CTRB2: variants seen among roughly 807,000 people sequenced by gnomAD.
CTRB2 encodes the protein chymotrypsin B2.
Under a neutral mutation model 19.3 loss-of-function variants are expected in CTRB2, and 9 were observed. That is an observed-to-expected ratio of 0.47 (90% CI 0.28 to 0.81). CTRB2 has a LOEUF of 0.81. Among genes scored for constraint, CTRB2 ranks in the 40% least tolerant of loss-of-function variants. The pLI is 0.11. For synonymous variants in CTRB2, 98 were observed against 117.3 expected, an observed-to-expected ratio of 0.84 and a Z score of 1.06; for missense variants, 210 against 269.7, an observed-to-expected ratio of 0.78 and a Z score of 1.55.
chr16:75,206,523 C>G (rs1597117519), intron 1 of CTRB2: 1 of 429,512 alleles, frequency 2.3e-6, no homozygotes, highest in Non-Finnish European at 4.2e-6. Context: ...CTGGCTCCCT[C>G]CCTGCCCAGC....
chr16:75,204,494 C>T (rs918340557), intron 6 of CTRB2, among the ~76,000 whole-genome samples, 172 bp from the exon 7 acceptor site: 4 of 152,150 alleles, frequency 2.6e-5, no homozygotes, highest in Admixed American at 2.0e-4. Flanking sequence ...CTGCCATGCA[C>T]TCTTGGAGGG....
chr16:75,204,302 C>T lies in CTRB2; in HGVS notation c.651G>A (p.Leu217=), dbSNP rs780257400. The T allele has an allele frequency of 6.2e-7, 1 of 1,614,072 alleles. No individual in the cohort carries two copies. The highest frequency in any genetic ancestry group is 8.5e-7 in the Non-Finnish European group (1 of 1,179,992). Residue 217 remains leucine, a synonymous_variant, in exon 7 of 7, where the codon CTG becomes CTA. Transcript: ENST00000303037. ...TCCAGGCTCCGTCCTTCTGGCAGAC[C>T]AGGGGGCCTCCAGAGTCACCCTGCA... ...SSCMGDSGGP[L]VCQKDGAWTL...
At chr16:75,204,533 G>T (rs1404328809) in intron 6 of CTRB2, among the ~76,000 whole-genome samples, 1 of 152,116 alleles carries the variant, frequency 6.6e-6, no homozygotes, top group East Asian at 1.9e-4. Flanking sequence ...CCCTCTCTAA[G>T]CCGGGGCACC....
Position 75,204,824 on chromosome 16 carries a change from C to G in CTRB2, c.579G>C (p.Arg193Ser). 1 of 1,402,348 alleles carries G rather than the reference C, an allele frequency of 7.1e-7. No homozygotes were observed. Among genetic ancestry groups the G allele is most frequent in the South Asian group, 1.3e-5 (1 of 79,274 alleles). 86.9% of individuals were successfully genotyped at this position (1,402,348 alleles called of 1,614,324 possible). Residue 193 changes from arginine to serine, a missense_variant, in exon 6 of 7, where the codon AGG becomes AGC. Physicochemically the swap from Arg to Ser is moderately radical, Grantham distance 110. Transcript: ENST00000303037. ...CGGCACAGATCATCACGTCGGTGAT[C>G]CTCCTGCCCCAGGACTTCTTGCATT... ...NAECKKSWGR[R>S]ITDVMICAGA...
In CTRB2 at chr16:75,204,272, C is replaced by G. The variant is rs2038867485; in HGVS notation, c.681G>C (p.Leu227=). The G allele has an allele frequency of 6.2e-7, 1 of 1,613,982 alleles. No homozygotes were observed. Among genetic ancestry groups the G allele is most frequent in the Admixed American group, 1.7e-5 (1 of 60,000 alleles). The change falls in exon 7 of 7, where the codon CTG becomes CTC. Residue 227 remains leucine (L), a synonymous_variant. Coordinates refer to ENST00000303037, the MANE Select transcript of CTRB2 (RefSeq NM_001025200.4). The part of the protein sequence containing the change: ...LVCQKDGAWT[L]VGIVSWGSRT... ...GGCTGCCCCAGGACACAATGCCCACCAGGGTCCAGGCTCCGTCCTTCTGGC... is the reference window on the plus strand; with the variant it reads ...GGCTGCCCCAGGACACAATGCCCACGAGGGTCCAGGCTCCGTCCTTCTGGC...
Position 75,204,148 on chromosome 16 carries a change from A to G in CTRB2, c.*13T>C. On this transcript the variant is annotated 3_prime_UTR_variant, in exon 7 of 7. Transcript: ENST00000303037. ...TGGGAAATCTTAAGGCAGGGGTGGC[A>G]GGAGCTGCGGGCTCAGTTGGCGGCC... 3 of 1,614,128 alleles carry G rather than the reference A, an allele frequency of 1.9e-6. No individual in the cohort carries two copies. The highest frequency in any genetic ancestry group is 2.5e-6 in the Non-Finnish European group (3 of 1,179,986).
intron 1 of CTRB2, chr16:75,206,473 C>T (rs567364050): frequency 3.1e-5 from 16 of 514,472 alleles, no homozygotes; most frequent in Non-Finnish European, 3.4e-5. Context: ...GCGGCAGCCC[C>T]GGCGCTCAGT....
chr16:75,206,757 C>T (rs1210313159), intron 1 of CTRB2: 1 of 411,702 alleles, frequency 2.4e-6, no homozygotes, highest in African/African-American at 2.0e-5. Context: ...TGTGCTGGGG[C>T]CGCTGACTGT....
In CTRB2 at chr16:75,206,198, G is replaced by C. The variant is rs1268569260; in HGVS notation, c.53-5C>G. ...GGATGGCGGGGACCCCGCAGCCTGGGGGCGGGAGTGGGCTGAGGGGTGGGT... is the reference window on the plus strand; with the variant it reads ...GGATGGCGGGGACCCCGCAGCCTGGCGGCGGGAGTGGGCTGAGGGGTGGGT... On this transcript the variant is annotated splice_region_variant and splice_polypyrimidine_tract_variant and intron_variant, in intron 1 of 6. Transcript: ENST00000303037. 1 of 1,556,862 alleles carries C rather than the reference G, an allele frequency of 6.4e-7. No individual in the cohort carries two copies. Among genetic ancestry groups the C allele is most frequent in the Admixed American group, 1.9e-5 (1 of 51,450 alleles).
intron 6 of CTRB2, 146 bp downstream of exon 6, chr16:75,204,627 C>A (rs2038872783): frequency 6.1e-6 from 9 of 1,473,132 alleles, no homozygotes; most frequent in Non-Finnish European, 8.2e-6. Context: ...GAGGAACCCT[C>A]ATGGGCGGCT....
rs747823187 is a variant in CTRB2, at chr16:75,206,658, G to A, written c.52+432C>T. ...GCACCCGGGAAGTGCTCCGTGAGCA[G>A]GAGTTTAAGAGGGTGAGGCTCGAGG... On this transcript the variant is annotated intron_variant, in intron 1 of 6. Transcript: ENST00000303037. 90 of 300,188 alleles carry A rather than the reference G, an allele frequency of 3.0e-4. 1 individual carries two copies. Among genetic ancestry groups the A allele is most frequent in the Non-Finnish European group, 4.0e-4 (63 of 158,348 alleles). 18.6% of individuals were successfully genotyped at this position (300,188 alleles called of 1,614,324 possible). A position where few individuals can be genotyped will look rare whatever the true frequency, so the allele number is the denominator to read the frequency against.
Position 75,204,320 on chromosome 16 carries a change from A to AC in CTRB2, c.632dup (p.Asp212Ter). 1 of 1,613,716 alleles carries AC rather than the reference A, an allele frequency of 6.2e-7. No homozygotes were observed. The highest frequency in any genetic ancestry group is 2.2e-5 in the East Asian group (1 of 44,862). The stretch of plus-strand genomic sequence containing the variant: ...GGCAGACCAGGGGGCCTCCAGAGTC[A>AC]CCCTGCAGGAAGGAGAGGAAGTATC... On this transcript the variant is annotated frameshift_variant and splice_region_variant, in exon 7 of 7. Coordinates refer to ENST00000303037, the MANE Select transcript of CTRB2 (RefSeq NM_001025200.4). LOFTEE classifies it low-confidence loss of function (END_TRUNC).
At chr16:75,206,831 C>G (rs1047266982) in intron 1 of CTRB2, 5 of 507,004 alleles carry the variant, frequency 9.9e-6, no homozygotes, top group Non-Finnish European at 3.6e-6. Flanking sequence ...CCGCCTCCTC[C>G]CCTGAGAGCC....
Position 75,206,082 on chromosome 16 carries a change from C to A in CTRB2, c.156+8G>T. Reference sequence around the variant, plus strand: ...CAGGGTGCCCCCCACCTTGCAGAACCCCCTCACCTGCAGGGACACCTGCCA... The same window carrying A: ...CAGGGTGCCCCCCACCTTGCAGAACACCCTCACCTGCAGGGACACCTGCCA... On this transcript the variant is annotated splice_region_variant and intron_variant, in intron 2 of 6. Coordinates refer to ENST00000303037, the MANE Select transcript of CTRB2 (RefSeq NM_001025200.4). 6.7e-7 allele frequency: 1 copy of A among 1,503,718 alleles called. No individual in the cohort carries two copies. 93.1% of individuals were successfully genotyped at this position (1,503,718 alleles called of 1,614,324 possible).
chr16:75,206,563 TG>T, intron 1 of CTRB2: 1 of 351,678 alleles, frequency 2.8e-6, no homozygotes, highest in Non-Finnish European at 5.2e-6. Context: ...ATCAGCAAAG[TG>T]GGGATCACGC....
chr16:75,207,114 A>C lies in CTRB2; in HGVS notation c.28T>G (p.Trp10Gly). 6.4e-7 allele frequency: 1 copy of C among 1,558,568 alleles called. No homozygotes were observed. Among genetic ancestry groups the C allele is most frequent in the Non-Finnish European group, 8.7e-7 (1 of 1,150,256 alleles). ...CCGAAGGTGGTACCCAGGAGGGCCC[A>C]GCAGGAGAGGAGCCAGAGGAAAGCC... Reference protein sequence around the residue: MAFLWLLSCWALLGTTFGCG... With the variant: MAFLWLLSCGALLGTTFGCG... The change falls in exon 1 of 7, where the codon TGG becomes GGG. Residue 10 changes from tryptophan to glycine, a missense_variant. Trp to Gly is a radical substitution (Grantham distance 184). This residue lies in a region of CTRB2 where 57 missense variants were observed against 72.6 expected (regional missense o/e 0.79). Transcript: ENST00000303037.
In CTRB2 at chr16:75,206,334, C is replaced by A. The variant is rs1456551859; in HGVS notation, c.53-141G>T. ...CCCTTCTCTGAGAAGTTGGCCCTGGCTCTCCTCTCCGCAGAGCTGGAATCC... is the reference window on the plus strand; with the variant it reads ...CCCTTCTCTGAGAAGTTGGCCCTGGATCTCCTCTCCGCAGAGCTGGAATCC... On this transcript the variant is annotated intron_variant, in intron 1 of 6. Transcript: ENST00000303037. 4.7e-6 allele frequency: 4 copies of A among 848,558 alleles called. No homozygotes were observed. The South Asian group carries it at 5.4e-5, about 11-fold the overall frequency. The allele number at this position is 848,558 out of a possible 1,614,324, so 52.6% of individuals were successfully genotyped here.
chr16:75,204,630 G>A, intron 6 of CTRB2, 143 bp downstream of exon 6: 1 of 1,477,286 alleles, frequency 6.8e-7, no homozygotes, highest in Non-Finnish European at 9.1e-7. Context: ...GAACCCTCAT[G>A]GGCGGCTGTG....
rs113759557 is a variant in CTRB2, at chr16:75,207,109, G to A, written c.33C>T (p.Ala11=). Residue 11 remains alanine, a synonymous_variant, in exon 1 of 7, where the codon GCC becomes GCT. Coordinates refer to ENST00000303037, the MANE Select transcript of CTRB2 (RefSeq NM_001025200.4). ...ACTCACCGAAGGTGGTACCCAGGAG[G>A]GCCCAGCAGGAGAGGAGCCAGAGGA... The part of the protein sequence containing the change: MAFLWLLSCW[A]LLGTTFGCGV... 1.3e-6 allele frequency: 2 copies of A among 1,558,114 alleles called. No homozygotes were observed. The highest frequency in any genetic ancestry group is 1.4e-5 in the African/African-American group (1 of 74,028).
Sources: gnomAD v4.1 joint callset for allele counts (sites outside exome capture counted in the v4.1 genomes callset) on GRCh38, gnomAD v4.1.1 for gene constraint, gnomAD v4.1.1 regional missense constraint, MANE v1.5 for transcripts, NCBI Gene and HGNC (gene_info 2026-07-23, HGNC 2026-07-21) for gene names.